The following NAALADL2 variants were observed in gnomAD, a reference collection of about 807,000 sequenced individuals.
NAALADL2 encodes inactive N-acetylated-alpha-linked acidic dipeptidase-like protein 2.
Under a neutral mutation model 87.2 loss-of-function variants are expected in NAALADL2, and 76 were observed. The ratio of observed to expected loss-of-function variants is 0.87; its 90% CI spans 0.72 to 1.05. The LOEUF is 1.05. Among genes scored for constraint, NAALADL2 ranks in the 50% least tolerant of loss-of-function variants. The pLI, the probability that NAALADL2 is intolerant of heterozygous loss-of-function variation, is 0.00. For missense variants in NAALADL2, 1,089 were observed against 945.8 expected, an observed-to-expected ratio of 1.15 and a Z score of -1.99; for synonymous variants, 354 against 331.0, an observed-to-expected ratio of 1.07 and a Z score of -0.75.
rs576781275 is a variant in NAALADL2 at position 174,950,218 on chromosome 3, G to C, written c.43+90768G>C. 2.0e-5 allele frequency among the ~76,000 whole-genome samples: 3 copies of C among 151,966 alleles called. No homozygotes were observed. The South Asian group carries it at 6.3e-4, about 32-fold the overall frequency. On this transcript the variant is annotated intron_variant, in intron 1 of 13. Coordinates refer to ENST00000454872, the MANE Select transcript of NAALADL2 (RefSeq NM_207015.3). Reference sequence around the variant, plus strand: ...ACTTGATGAAAGTGTAGAGTCCTTGGTTTTACCAAGGACTCTACAAACCTA... The same window carrying C: ...ACTTGATGAAAGTGTAGAGTCCTTGCTTTTACCAAGGACTCTACAAACCTA...
chr3:175,173,635 G>C (rs1013478928), intron 2 of NAALADL2, among the ~76,000 whole-genome samples: 5 of 152,160 alleles, frequency 3.3e-5, no homozygotes, highest in African/African-American at 1.2e-4. Flanking sequence ...GCCATCTACT[G>C]GTGTCCTACA....
chr3:175,515,066 G>A (rs967811886), intron 9 of NAALADL2, among the ~76,000 whole-genome samples: 6 of 152,266 alleles, frequency 3.9e-5, no homozygotes, highest in Middle Eastern at 3.4e-3. Context: ...AAAAGCAAGT[G>A]CTTCTTTGCC....
intron 5 of NAALADL2, among the ~76,000 whole-genome samples, chr3:175,419,450 T>C (rs563771802): frequency 1.3e-5 from 2 of 152,064 alleles, no homozygotes; most frequent in Non-Finnish European, 2.9e-5. Flanking sequence ...TATAAACAGA[T>C]GAAATTATGA....
At chr3:174,762,111 GATGAA>G (rs1019352307) in intron 3 of NAALADL2, among the ~76,000 whole-genome samples, 1 of 151,166 alleles carries the variant, frequency 6.6e-6, no homozygotes, top group African/African-American at 2.4e-5. Context: ...TCTATTTTTT[GATGAA>G]ATGAAACAAT....
intron 1 of NAALADL2, among the ~76,000 whole-genome samples, chr3:174,863,075 A>G (rs1726699356): frequency 6.6e-6 from 1 of 152,100 alleles, no homozygotes; most frequent in Admixed American, 6.6e-5. Flanking sequence ...CAGAAAATTA[A>G]CATTTTCAAG....
intron 2 of NAALADL2, among the ~76,000 whole-genome samples, chr3:175,161,655 A>T (rs1034119850): frequency 2.0e-5 from 3 of 146,590 alleles, no homozygotes; most frequent in African/African-American, 7.5e-5. Flanking sequence ...AATGATGCTA[A>T]GATGTTAGAC....
chr3:174,884,747 C>T (rs1729852100), intron 1 of NAALADL2, among the ~76,000 whole-genome samples: 1 of 152,144 alleles, frequency 6.6e-6, no homozygotes, highest in Admixed American at 6.5e-5. Context: ...ACTCTCATGC[C>T]TGTTCTCCAG....
At chr3:174,772,296 A>G (rs1015980919) in intron 3 of NAALADL2, among the ~76,000 whole-genome samples, 4 of 152,176 alleles carry the variant, frequency 2.6e-5, no homozygotes, top group African/African-American at 9.6e-5. Context: ...ATTTATTACT[A>G]CATTGGAGAA....
intron 1 of NAALADL2, chr3:174,863,865 T>G (rs567793593): frequency 6.3e-6 from 2 of 317,212 alleles, no homozygotes; most frequent in Non-Finnish European, 1.2e-5. Flanking sequence ...GGAGCTCCTG[T>G]TGGACCTGTG....
At chr3:174,859,503 C>G in intron 1 of NAALADL2, 53 bp downstream of exon 1, 3 of 1,436,768 alleles carry the variant, frequency 2.1e-6, no homozygotes, top group Non-Finnish European at 2.9e-6. Context: ...GAAACTTAAG[C>G]AGTGTTGATT....
intron 10 of NAALADL2, among the ~76,000 whole-genome samples, chr3:175,592,056 A>G (rs1436907658): frequency 6.6e-6 from 1 of 152,022 alleles, no homozygotes; most frequent in Non-Finnish European, 1.5e-5. Context: ...AAGTGACTGC[A>G]CTATAAATGC....
chr3:174,474,427 A>G (rs1458194437), intron 1 of NAALADL2, among the ~76,000 whole-genome samples: 1 of 152,130 alleles, frequency 6.6e-6, no homozygotes, highest in Non-Finnish European at 1.5e-5. Flanking sequence ...ATGAAGAACT[A>G]AGTATGTGTT....
At chr3:174,989,448 T>C (rs936090936) in intron 1 of NAALADL2, among the ~76,000 whole-genome samples, 1 of 152,158 alleles carries the variant, frequency 6.6e-6, no homozygotes, top group Non-Finnish European at 1.5e-5. Flanking sequence ...TTTTCATAAA[T>C]TAGTAAAGAG....
At chr3:174,852,011 T>G (rs961136805) in intron 3 of NAALADL2, among the ~76,000 whole-genome samples, 3 of 152,102 alleles carry the variant, frequency 2.0e-5, no homozygotes, top group African/African-American at 7.2e-5. Context: ...CAAAAAGTAC[T>G]TGGTAAAATT....
chr3:174,707,449 T>C (rs956551590), intron 2 of NAALADL2, among the ~76,000 whole-genome samples: 5 of 152,068 alleles, frequency 3.3e-5, no homozygotes, highest in African/African-American at 1.2e-4. Flanking sequence ...ATATACACCA[T>C]GGAATACTAT....
intron 9 of NAALADL2, among the ~76,000 whole-genome samples, chr3:175,518,275 G>A (rs1455751252): frequency 6.6e-6 from 1 of 152,232 alleles, no homozygotes; most frequent in Middle Eastern, 3.4e-3. Flanking sequence ...GTATCAGTAG[G>A]AACTGCATTC....
intron 4 of NAALADL2, among the ~76,000 whole-genome samples, chr3:175,304,955 A>G (rs1757512866): frequency 6.6e-6 from 1 of 152,106 alleles, no homozygotes; most frequent in Non-Finnish European, 1.5e-5. Flanking sequence ...TATGTAAACT[A>G]TACGTGAACT....
intron 13 of NAALADL2, among the ~76,000 whole-genome samples, chr3:175,772,852 GACATTTTAGTGTTTCTTCTGCA>G (rs1232658809): frequency 4.1e-4 from 63 of 152,216 alleles, no homozygotes; most frequent in African/African-American, 1.3e-3. Flanking sequence ...TTACTTCTGT[GACATTTTAGTGTTTCTTCTGCA>G]ACATTTTAGT....
Position 175,649,846 on chromosome 3 carries a change from A to C in NAALADL2, c.1896+22460A>C, listed in dbSNP as rs539137773. Among the ~76,000 whole-genome samples, 4 of 152,224 alleles carry C rather than the reference A, an allele frequency of 2.6e-5. No individual in the cohort carries two copies. The South Asian group carries it at 6.2e-4, about 24-fold the overall frequency. ...TCCATAACAGTGTGCTTGGTACCTA[A>C]ATTTTAGATTTTCATATTTACTATT... On this transcript the variant is annotated intron_variant, in intron 11 of 13. Transcript: ENST00000454872.
Sources: allele counts gnomAD v4.1 joint callset (sites outside exome capture counted in the v4.1 genomes callset), GRCh38; gene constraint gnomAD v4.1.1; transcripts MANE v1.5; gene names NCBI Gene and HGNC (gene_info 2026-07-23, HGNC 2026-07-21).